The following ABTB2 variants were observed in gnomAD, a reference collection of about 807,000 sequenced individuals.
ABTB2 encodes the protein ankyrin repeat and BTB domain containing 2, also known as ankyrin repeat and BTB/POZ domain-containing protein 2.
ABTB2 carries 56 observed loss-of-function variants against 104.1 expected under a neutral mutation model. The observed-to-expected ratio is 0.54, with a 90% confidence interval of 0.43 to 0.67. ABTB2 has a LOEUF of 0.67. Ranked by LOEUF, ABTB2 falls within the 30% of genes least tolerant of loss-of-function variation. The pLI is 0.00. For missense variants in ABTB2, 1,279 were observed against 1,407.7 expected, an observed-to-expected ratio of 0.91 and a Z score of 1.46; for synonymous variants, 606 against 608.2, an observed-to-expected ratio of 1.00 and a Z score of 0.05.
chr11:34,197,730 CCCTTT>C (rs1376700043), intron 2 of ABTB2, among the ~76,000 whole-genome samples, 192 bp from the exon 3 acceptor site: 2 of 152,204 alleles, frequency 1.3e-5, no homozygotes, highest in African/African-American at 4.8e-5. Context: ...AATTTCGTTT[CCCTTT>C]CATTTCACTC....
At chr11:34,155,346 A>C (rs1852608893) in intron 14 of ABTB2, among the ~76,000 whole-genome samples, 1 of 152,214 alleles carries the variant, frequency 6.6e-6, no homozygotes, top group Non-Finnish European at 1.5e-5. Flanking sequence ...GAAAGCGCAG[A>C]GCCCAGGCCC....
At chr11:34,328,688 T>C (rs745562319) in intron 1 of ABTB2, among the ~76,000 whole-genome samples, 1 of 152,350 alleles carries the variant, frequency 6.6e-6, no homozygotes, top group Non-Finnish European at 1.5e-5. Flanking sequence ...GGAACCCTTA[T>C]TGGCTCTCAA....
At chr11:34,324,524 C>T (rs1343602204) in intron 1 of ABTB2, among the ~76,000 whole-genome samples, 1 of 152,208 alleles carries the variant, frequency 6.6e-6, no homozygotes, top group Non-Finnish European at 1.5e-5. Context: ...TTAGACTGAG[C>T]TACCCCTCCA....
intron 1 of ABTB2, among the ~76,000 whole-genome samples, chr11:34,248,258 T>C (rs1303755132): frequency 3.3e-5 from 5 of 151,914 alleles, no homozygotes; most frequent in African/African-American, 1.2e-4. Context: ...GCCCAGCACA[T>C]TTTTAATTTT....
intron 1 of ABTB2, among the ~76,000 whole-genome samples, chr11:34,313,494 G>T (rs1854884071): frequency 6.6e-6 from 1 of 152,234 alleles, no homozygotes; most frequent in South Asian, 2.1e-4. Flanking sequence ...GCCCCTTGGG[G>T]CCCAGGCTCC....
At chr11:34,340,671 C>T (rs1466836203) in intron 1 of ABTB2, among the ~76,000 whole-genome samples, 2 of 152,204 alleles carry the variant, frequency 1.3e-5, no homozygotes, top group Non-Finnish European at 2.9e-5. Flanking sequence ...CAAAGGACCA[C>T]AGGTCATGTG....
At chr11:34,224,918 C>T (rs1287353952) in intron 1 of ABTB2, among the ~76,000 whole-genome samples, 5 of 152,190 alleles carry the variant, frequency 3.3e-5, no homozygotes, top group African/African-American at 1.2e-4. Context: ...TTTCTTCACA[C>T]TTCCTTCTTG....
chr11:34,262,406 A>G (rs554346491), intron 1 of ABTB2, among the ~76,000 whole-genome samples: 51 of 152,292 alleles, frequency 3.3e-4, no homozygotes, highest in African/African-American at 1.2e-3. Flanking sequence ...GCTACATCAG[A>G]TCCAGGACTT....
At chr11:34,336,871 C>T (rs1416710390) in intron 1 of ABTB2, among the ~76,000 whole-genome samples, 7 of 152,196 alleles carry the variant, frequency 4.6e-5, no homozygotes, top group Non-Finnish European at 1.0e-4. Flanking sequence ...CACACCAGGT[C>T]CTGTTCCAAG....
At chr11:34,327,878 C>T (rs965705128) in intron 1 of ABTB2, among the ~76,000 whole-genome samples, 8 of 152,164 alleles carry the variant, frequency 5.3e-5, no homozygotes, top group Admixed American at 2.6e-4. Context: ...CCGGCAGCTG[C>T]GTGTACATGG....
chr11:34,231,537 T>C (rs1853768950), intron 1 of ABTB2, among the ~76,000 whole-genome samples: 1 of 152,168 alleles, frequency 6.6e-6, no homozygotes. Context: ...ACATCATCAG[T>C]GACAAGTCAT....
At chr11:34,213,495 A>G (rs1011809913) in intron 1 of ABTB2, among the ~76,000 whole-genome samples, 10 of 152,152 alleles carry the variant, frequency 6.6e-5, no homozygotes, top group African/African-American at 2.4e-4. Context: ...ACAAACAAAC[A>G]AAACTAGACA....
At chr11:34,288,721 C>T (rs1286632604) in intron 1 of ABTB2, among the ~76,000 whole-genome samples, 2 of 142,602 alleles carry the variant, frequency 1.4e-5, no homozygotes, top group African/African-American at 2.6e-5. Context: ...CACTCTCCTG[C>T]AGGCTAGGCC....
intron 11 of ABTB2, 136 bp downstream of exon 11, chr11:34,160,767 G>T: frequency 1.1e-6 from 1 of 924,548 alleles, no homozygotes. Flanking sequence ...GGTGCTGAGG[G>T]CAGGCGTGTG....
chr11:34,337,341 GA>G (rs1196448958), intron 1 of ABTB2, among the ~76,000 whole-genome samples: 11 of 152,238 alleles, frequency 7.2e-5, no homozygotes, highest in Non-Finnish European at 1.6e-4. Context: ...GGGCACAGCT[GA>G]CTGGCTGCTG....
At chr11:34,205,805 C>T (rs570946683) in intron 1 of ABTB2, among the ~76,000 whole-genome samples, 1 of 152,204 alleles carries the variant, frequency 6.6e-6, no homozygotes, top group South Asian at 2.1e-4. Flanking sequence ...TGTTGGGGTT[C>T]GTAATTCTGG....
intron 5 of ABTB2, among the ~76,000 whole-genome samples, chr11:34,168,964 T>G (rs1852836677): frequency 6.6e-6 from 1 of 152,260 alleles, no homozygotes; most frequent in South Asian, 2.1e-4. Flanking sequence ...CAAGATCTCC[T>G]TACCTCATAA....
At chr11:34,248,606 C>A (rs983541689) in intron 1 of ABTB2, among the ~76,000 whole-genome samples, 7 of 152,192 alleles carry the variant, frequency 4.6e-5, no homozygotes, top group African/African-American at 1.7e-4. Context: ...CAGAGGAAAA[C>A]CAAAGGTACT....
intron 3 of ABTB2, among the ~76,000 whole-genome samples, chr11:34,177,098 G>T (rs1399248889): frequency 1.3e-5 from 2 of 152,162 alleles, no homozygotes; most frequent in African/African-American, 4.8e-5. Flanking sequence ...CCGTGGATTT[G>T]CCAGCCATTC....
Sources: allele counts gnomAD v4.1 joint callset (sites outside exome capture counted in the v4.1 genomes callset), GRCh38; gene constraint gnomAD v4.1.1; transcripts MANE v1.5; gene names NCBI Gene and HGNC (gene_info 2026-07-23, HGNC 2026-07-21).